Variants in DENND1A observed in about 807,000 individuals in gnomAD.
DENND1A encodes the protein DENN domain containing 1A, also known as DENN domain-containing protein 1A.
DENND1A carries 51 observed loss-of-function variants against 113.7 expected under a neutral mutation model. That is an observed-to-expected ratio of 0.45 (90% confidence interval 0.36 to 0.57). The LOEUF is 0.57. Ranked by LOEUF, DENND1A falls within the 20% of genes least tolerant of loss-of-function variation. The pLI is 0.00. For missense variants in DENND1A, 1,258 were observed against 1,395.9 expected, an observed-to-expected ratio of 0.90 and a Z score of 1.57; for synonymous variants, 565 against 570.8, an observed-to-expected ratio of 0.99 and a Z score of 0.14.
chr9:123,757,358 A>G (rs903896573), intron 5 of DENND1A, among the ~76,000 whole-genome samples: 3 of 152,208 alleles, frequency 2.0e-5, no homozygotes, highest in Non-Finnish European at 4.4e-5. Flanking sequence ...ATAATCTTAC[A>G]TACACAAAAT....
chr9:123,511,917 T>C (rs2053492547), intron 13 of DENND1A, among the ~76,000 whole-genome samples: 1 of 152,172 alleles, frequency 6.6e-6, no homozygotes, highest in African/African-American at 2.4e-5. Context: ...CAGGGTCTCG[T>C]GACTTGAGGG....
At chr9:123,738,429 C>T (rs947352581) in intron 5 of DENND1A, among the ~76,000 whole-genome samples, 9 of 144,334 alleles carry the variant, frequency 6.2e-5, no homozygotes, top group Admixed American at 3.4e-4. Context: ...GAAAAACTGC[C>T]GTGTCAACAG....
intron 1 of DENND1A, among the ~76,000 whole-genome samples, chr9:123,879,553 T>TACACACACACAC (rs138124573): frequency 9.9e-4 from 148 of 150,106 alleles, no homozygotes; most frequent in African/African-American, 2.3e-3. Flanking sequence ...AATAAAATTA[T>TACACACACACAC]ACACACACAC....
chr9:123,916,990 C>T (rs183222371), intron 1 of DENND1A, among the ~76,000 whole-genome samples: 1 of 151,842 alleles, frequency 6.6e-6, no homozygotes, highest in African/African-American at 2.4e-5. Context: ...AGGAGACCAG[C>T]CTGGCCAAAA....
In DENND1A at chr9:123,452,257, C is replaced by T; in HGVS notation, c.1299+19G>A. 12 of 1,613,294 alleles carry T rather than the reference C, an allele frequency of 7.4e-6. No homozygotes were observed. Among genetic ancestry groups the T allele is most frequent in the Non-Finnish European group, 1.0e-5 (12 of 1,179,224 alleles). Reference sequence around the variant, plus strand: ...GGGACTGATCTGTTTTGGCTCCTGACAGCAAGACCAGTACTTACGAACTTG... The same window carrying T: ...GGGACTGATCTGTTTTGGCTCCTGATAGCAAGACCAGTACTTACGAACTTG... On this transcript the variant is annotated intron_variant, in intron 17 of 23. Coordinates refer to ENST00000394215, the MANE Select transcript of DENND1A (RefSeq NM_001352964.2).
At chr9:123,534,910 C>G (rs1192341215) in intron 13 of DENND1A, among the ~76,000 whole-genome samples, 1 of 152,138 alleles carries the variant, frequency 6.6e-6, no homozygotes, top group African/African-American at 2.4e-5. Context: ...TTTTCCCCCC[C>G]TTCACTTGCT....
chr9:123,687,363 A>G (rs1033145799), intron 5 of DENND1A, among the ~76,000 whole-genome samples: 4 of 152,152 alleles, frequency 2.6e-5, no homozygotes, highest in African/African-American at 9.7e-5. Context: ...GTTCATATTT[A>G]ATTTGTAACC....
intron 10 of DENND1A, among the ~76,000 whole-genome samples, chr9:123,620,551 C>T (rs900996177): frequency 1.3e-5 from 2 of 152,200 alleles, no homozygotes; most frequent in African/African-American, 4.8e-5. Flanking sequence ...AAGACTTTGA[C>T]TTCCAAATCT....
intron 10 of DENND1A, among the ~76,000 whole-genome samples, chr9:123,613,281 T>A (rs1388867585): frequency 6.6e-6 from 1 of 152,108 alleles, no homozygotes; most frequent in Admixed American, 6.5e-5. Context: ...TTTAAAAACC[T>A]CTTATCACTC....
chr9:123,696,364 T>C (rs1424779927), intron 5 of DENND1A, among the ~76,000 whole-genome samples: 1 of 152,256 alleles, frequency 6.6e-6, no homozygotes, highest in Non-Finnish European at 1.5e-5. Flanking sequence ...TTTTCTTTAC[T>C]GCTGTACAAT....
chr9:123,791,943 T>C (rs772041549), intron 3 of DENND1A, among the ~76,000 whole-genome samples: 2 of 152,192 alleles, frequency 1.3e-5, no homozygotes, highest in Non-Finnish European at 2.9e-5. Flanking sequence ...CCTGAATGTA[T>C]AACCTAGAAC....
intron 9 of DENND1A, among the ~76,000 whole-genome samples, chr9:123,630,873 C>G (rs1028870279): frequency 1.3e-5 from 2 of 152,052 alleles, no homozygotes; most frequent in African/African-American, 4.8e-5. Context: ...ATGCCATTTT[C>G]CTTTAAATAT....
At chr9:123,397,871 G>C (rs1057367500) in intron 21 of DENND1A, among the ~76,000 whole-genome samples, 1 of 152,230 alleles carries the variant, frequency 6.6e-6, no homozygotes, top group Admixed American at 6.5e-5. Context: ...GCAGCCCTGG[G>C]CCCTGGTGGC....
intron 1 of DENND1A, among the ~76,000 whole-genome samples, chr9:123,921,837 G>C (rs1352323754): frequency 6.6e-6 from 1 of 151,626 alleles, no homozygotes; most frequent in East Asian, 1.9e-4. Flanking sequence ...AGTCATCTTT[G>C]ATTCTTCTTT....
chr9:123,658,208 C>G (rs73665321), intron 8 of DENND1A, among the ~76,000 whole-genome samples: 5,829 of 152,052 alleles, frequency 0.038, 129 homozygotes, highest in African/African-American at 0.065. Flanking sequence ...ATGACACCAA[C>G]GAGATAATTA....
rs1368686943 is a variant in DENND1A, at chr9:123,689,822, T to C, written c.303-13033A>G. On this transcript the variant is annotated intron_variant, in intron 5 of 23. Transcript: ENST00000394215. Reference sequence around the variant, plus strand: ...CTGTCTCTACAAAAAAATACAAAAGTTAGCTGGGTGTGGTGGCGCCTGCCT... The same window carrying C: ...CTGTCTCTACAAAAAAATACAAAAGCTAGCTGGGTGTGGTGGCGCCTGCCT... Among the ~76,000 whole-genome samples, 3 of 151,810 alleles carry C rather than the reference T, an allele frequency of 2.0e-5. No homozygotes were observed. The East Asian group carries it at 5.8e-4, about 29-fold the overall frequency.
At chr9:123,470,370 G>GGGGTTGCCTCACTCACGCCAA (rs2049306950) in intron 13 of DENND1A, among the ~76,000 whole-genome samples, 1 of 151,906 alleles carries the variant, frequency 6.6e-6, no homozygotes, top group African/African-American at 2.4e-5. Flanking sequence ...GCCAGCGCCA[G>GGGGTTGCCTCACTCACGCCAA]GGGTTGCCTC....
chr9:123,529,239 T>C (rs747591045), intron 13 of DENND1A, among the ~76,000 whole-genome samples: 8 of 152,276 alleles, frequency 5.3e-5, no homozygotes, highest in Middle Eastern at 3.4e-3. Context: ...TACTGAACTA[T>C]TTGAGACAAG....
intron 1 of DENND1A, among the ~76,000 whole-genome samples, chr9:123,889,252 G>A (rs188290700): frequency 3.3e-4 from 50 of 152,096 alleles, no homozygotes; most frequent in African/African-American, 1.1e-3. Context: ...TAACCTTTCG[G>A]CTTCCTCCTC....
Sources: allele counts gnomAD v4.1 joint callset (sites outside exome capture counted in the v4.1 genomes callset), GRCh38; gene constraint gnomAD v4.1.1; transcripts MANE v1.5; gene names NCBI Gene and HGNC (gene_info 2026-07-23, HGNC 2026-07-21).